The following XKR4 variants were observed in gnomAD, a reference collection of about 807,000 sequenced individuals.
XKR4 encodes the protein XK-related protein 4.
A neutral mutation model predicts 53.9 loss-of-function variants in XKR4; 12 were observed. The ratio of observed to expected loss-of-function variants is 0.22; its 90% CI spans 0.14 to 0.36. XKR4 has a LOEUF of 0.36. XKR4 is among the 10% of genes least tolerant of loss of function. XKR4 has a pLI of 1.00. For missense variants in XKR4, 799 were observed against 859.5 expected (o/e 0.93, Z 0.88); for synonymous variants, 354 against 362.4 (o/e 0.98, Z 0.26).
intron 2 of XKR4, among the ~76,000 whole-genome samples, chr8:55,464,325 C>A (rs1010571118): frequency 6.6e-6 from 1 of 152,116 alleles, no homozygotes; most frequent in African/African-American, 2.4e-5. Flanking sequence ...GTTCAACATA[C>A]ACAAATCAAT....
In XKR4 at chr8:55,289,231, C is replaced by T. The variant is rs192278134; in HGVS notation, c.807-68447C>T. Among the ~76,000 whole-genome samples the T allele has an allele frequency of 3.3e-5, 5 of 151,998 alleles. No individual in the cohort carries two copies. In the East Asian group the frequency reaches 9.7e-4, roughly 29 times the overall value. On this transcript the variant is annotated intron_variant, in intron 1 of 2. Coordinates refer to ENST00000327381, the MANE Select transcript of XKR4 (RefSeq NM_052898.2). Reference sequence around the variant, plus strand: ...GCAGGTTTAGTTTTATAGGAAATTGCCAGGCCAGTTGAGGTGGCTCACGCC... The same window carrying T: ...GCAGGTTTAGTTTTATAGGAAATTGTCAGGCCAGTTGAGGTGGCTCACGCC...
At chr8:55,143,792 T>C (rs1422324999) in intron 1 of XKR4, among the ~76,000 whole-genome samples, 1 of 152,226 alleles carries the variant, frequency 6.6e-6, no homozygotes, top group Non-Finnish European at 1.5e-5. Flanking sequence ...GTGTGGGTTC[T>C]TCTGCGGGCA....
At chr8:55,480,407 T>C (rs1379923301) in intron 2 of XKR4, among the ~76,000 whole-genome samples, 1 of 152,166 alleles carries the variant, frequency 6.6e-6, no homozygotes, top group Non-Finnish European at 1.5e-5. Context: ...TATCTCAAAA[T>C]TATAAGAGCT....
chr8:55,401,953 T>C (rs1804607489), intron 2 of XKR4, among the ~76,000 whole-genome samples: 1 of 152,218 alleles, frequency 6.6e-6, no homozygotes, highest in Non-Finnish European at 1.5e-5. Context: ...TAAACTACTT[T>C]ATGTAAAATA....
chr8:55,121,222 G>T (rs1022415178), intron 1 of XKR4, among the ~76,000 whole-genome samples: 16 of 152,150 alleles, frequency 1.1e-4, no homozygotes, highest in African/African-American at 3.6e-4. Flanking sequence ...AATTTATTTG[G>T]GTAGATACCA....
At chr8:55,477,168 C>T (rs4298476) in intron 2 of XKR4, among the ~76,000 whole-genome samples, 51,947 of 151,890 alleles carry the variant, frequency 0.34, 10,803 homozygotes, top group African/African-American at 0.59. Context: ...ACACCTCACA[C>T]AGCCGGATAC....
intron 1 of XKR4, among the ~76,000 whole-genome samples, chr8:55,237,637 T>C (rs1048336938): frequency 2.6e-4 from 40 of 152,238 alleles, no homozygotes; most frequent in Admixed American, 3.3e-4. Context: ...ATATCTCCAC[T>C]ACTTTCACAT....
At chr8:55,269,257 C>T (rs779923952) in intron 1 of XKR4, among the ~76,000 whole-genome samples, 1 of 151,764 alleles carries the variant, frequency 6.6e-6, no homozygotes, top group South Asian at 2.1e-4. Context: ...TTTGTGGTCT[C>T]TCTTTCTCAC....
intron 1 of XKR4, among the ~76,000 whole-genome samples, chr8:55,356,203 T>G (rs1485888260): frequency 1.3e-5 from 2 of 152,218 alleles, no homozygotes; most frequent in African/African-American, 4.8e-5. Flanking sequence ...CAACCTTGAT[T>G]GCAATATCAT....
At chr8:55,152,291 A>G (rs1215633938) in intron 1 of XKR4, among the ~76,000 whole-genome samples, 5 of 152,174 alleles carry the variant, frequency 3.3e-5, no homozygotes, top group Non-Finnish European at 7.4e-5. Flanking sequence ...TTACATTTCC[A>G]TACTGTTTAA....
rs577901910 is a variant in XKR4, at chr8:55,340,055, C to T, written c.807-17623C>T. Among the ~76,000 whole-genome samples the T allele has an allele frequency of 2.2e-4, 34 of 152,230 alleles. No individual in the cohort carries two copies. The South Asian group carries it at 6.2e-3, about 28-fold the overall frequency. Reference sequence around the variant, plus strand: ...GTTCAAATTATATCCTAAAAGAATACGTGTACATGCCCATTCTGTATTGAT... The same window carrying T: ...GTTCAAATTATATCCTAAAAGAATATGTGTACATGCCCATTCTGTATTGAT... On this transcript the variant is annotated intron_variant, in intron 1 of 2. Coordinates refer to ENST00000327381, the MANE Select transcript of XKR4 (RefSeq NM_052898.2).
At chr8:55,264,621 G>T (rs549082231) in intron 1 of XKR4, among the ~76,000 whole-genome samples, 1 of 152,292 alleles carries the variant, frequency 6.6e-6, no homozygotes, top group South Asian at 2.1e-4. Context: ...CATGAGGTTT[G>T]TAATTTTAAC....
chr8:55,403,546 G>T (rs975513511), intron 2 of XKR4, among the ~76,000 whole-genome samples: 2 of 152,322 alleles, frequency 1.3e-5, no homozygotes, highest in South Asian at 4.1e-4. Context: ...CAGCCATCAC[G>T]TTATGGCCAC....
intron 1 of XKR4, among the ~76,000 whole-genome samples, chr8:55,115,314 G>A (rs1484310772): frequency 6.6e-6 from 1 of 152,112 alleles, no homozygotes; most frequent in Admixed American, 6.6e-5. Flanking sequence ...CCTAGTATGA[G>A]CTAGGTTATA....
intron 2 of XKR4, among the ~76,000 whole-genome samples, chr8:55,460,151 G>A (rs2975972): frequency 0.4 from 61,391 of 151,838 alleles, 13,126 homozygotes; most frequent in East Asian, 0.53. Flanking sequence ...CAAAAATCTG[G>A]CAAATAAAGG....
At chr8:55,305,706 CT>C (rs1819286845) in intron 1 of XKR4, among the ~76,000 whole-genome samples, 1 of 152,162 alleles carries the variant, frequency 6.6e-6, no homozygotes, top group South Asian at 2.1e-4. Flanking sequence ...AGGACTGATG[CT>C]GGTGATGTTG....
chr8:55,441,550 A>G (rs1563350705), intron 2 of XKR4, among the ~76,000 whole-genome samples: 4 of 152,220 alleles, frequency 2.6e-5, no homozygotes, highest in African/African-American at 7.2e-5. Flanking sequence ...ACTCCATAAT[A>G]CATGTTATTC....
chr8:55,346,328 C>G (rs951687284), intron 1 of XKR4, among the ~76,000 whole-genome samples: 1 of 152,274 alleles, frequency 6.6e-6, no homozygotes, highest in East Asian at 1.9e-4. Context: ...TCAAGTGATC[C>G]ACCTGCCATG....
intron 2 of XKR4, among the ~76,000 whole-genome samples, chr8:55,405,818 A>G (rs1227445200): frequency 6.6e-6 from 1 of 152,174 alleles, no homozygotes; most frequent in Non-Finnish European, 1.5e-5. Flanking sequence ...CTGCCACTTC[A>G]GTGTTCAGAG....
Sources: allele counts gnomAD v4.1 joint callset (sites outside exome capture counted in the v4.1 genomes callset), GRCh38; gene constraint gnomAD v4.1.1; transcripts MANE v1.5; gene names NCBI Gene and HGNC (gene_info 2026-07-23, HGNC 2026-07-21).